The following MEF2C variants were observed in gnomAD, a reference collection of about 807,000 sequenced individuals.
MEF2C encodes the protein myocyte enhancer factor 2C.
Under a neutral mutation model 50.5 loss-of-function variants are expected in MEF2C, and 6 were observed. That is an observed-to-expected ratio of 0.12 (90% CI 0.07 to 0.23). The LOEUF (loss-of-function observed/expected upper bound fraction) is 0.23, where lower values mean the gene tolerates loss of function less well. Among genes scored for constraint, MEF2C ranks in the 10% least tolerant of loss-of-function variants. The probability of loss-of-function intolerance (pLI) is 1.00; values close to 1 mark genes in which losing one functional copy is unlikely to be tolerated. For synonymous variants in MEF2C, 183 were observed against 228.0 expected (o/e 0.80, Z 1.78); for missense variants, 276 against 605.0 (o/e 0.46, Z 5.70).
intron 2 of MEF2C, among the ~76,000 whole-genome samples, chr5:88,822,796 G>A (rs1001133391): frequency 7.2e-5 from 11 of 151,900 alleles, no homozygotes; most frequent in African/African-American, 2.7e-4. Context: ...CAGTGTAACC[G>A]AAAAGTAGGC....
intron 3 of MEF2C, chr5:88,782,159 G>A: frequency 1.8e-5 from 18 of 981,388 alleles, no homozygotes; most frequent in Non-Finnish European, 2.2e-5. Context: ...CTGTAAAGAA[G>A]CTTATATAGT....
intron 6 of MEF2C, chr5:88,739,103 C>A (rs1257295304): frequency 1.0e-6 from 1 of 985,172 alleles, no homozygotes; most frequent in Non-Finnish European, 1.2e-6. Flanking sequence ...TCAGAAACAC[C>A]CAATGTTACA....
chr5:88,785,998 A>T (rs1349973788), intron 3 of MEF2C, among the ~76,000 whole-genome samples: 1 of 152,184 alleles, frequency 6.6e-6, no homozygotes, highest in Non-Finnish European at 1.5e-5. Flanking sequence ...CTTCTATTCC[A>T]CGCCTATTCC....
intron 4 of MEF2C, chr5:88,752,588 A>G: frequency 1.0e-6 from 1 of 981,930 alleles, no homozygotes; most frequent in Non-Finnish European, 1.2e-6. Context: ...GCATTTTAAC[A>G]TACAAGATTC....
chr5:88,860,403 G>A (rs1411139914), intron 1 of MEF2C, among the ~76,000 whole-genome samples: 1 of 151,610 alleles, frequency 6.6e-6, no homozygotes, highest in African/African-American at 2.4e-5. Context: ...TGGTCATAAT[G>A]GTGGATTTGT....
chr5:88,848,807 T>C (rs1820231257), intron 1 of MEF2C, among the ~76,000 whole-genome samples: 1 of 152,210 alleles, frequency 6.6e-6, no homozygotes, highest in African/African-American at 2.4e-5. Flanking sequence ...AAGTAGTATG[T>C]GTTCTTGGAT....
At chr5:88,810,377 T>C (rs1185519000) in intron 2 of MEF2C, among the ~76,000 whole-genome samples, 1 of 152,088 alleles carries the variant, frequency 6.6e-6, no homozygotes, top group African/African-American at 2.4e-5. Context: ...AAAATATACT[T>C]CAAAAAATTC....
At chr5:88,866,274 A>C (rs1001131489) in intron 1 of MEF2C, among the ~76,000 whole-genome samples, 1 of 152,230 alleles carries the variant, frequency 6.6e-6, no homozygotes, top group East Asian at 1.9e-4. Flanking sequence ...AATCCAAACA[A>C]GCATTTCATT....
chr5:88,748,937 A>T (rs1159633913), intron 6 of MEF2C, 133 bp downstream of exon 6: 5 of 1,516,114 alleles, frequency 3.3e-6, no homozygotes, highest in Non-Finnish European at 3.5e-6. Context: ...TGCTTTAAAA[A>T]TTCTTGGTGT....
In MEF2C at chr5:88,726,991, T is replaced by C. The variant is rs138896420; in HGVS notation, c.1100+1502A>G. Among the ~76,000 whole-genome samples the C allele has an allele frequency of 2.0e-5, 3 of 152,108 alleles. 1 individual carries two copies. Among genetic ancestry groups the C allele is most frequent in the Admixed American group, 2.0e-4 (3 of 15,264 alleles). ...TAATGGATGAATTTTGTGAAAAAAATGGGAAATAAGCAGTTATGTTTATTT... is the reference window on the plus strand; with the variant it reads ...TAATGGATGAATTTTGTGAAAAAAACGGGAAATAAGCAGTTATGTTTATTT... On this transcript the variant is annotated intron_variant, in intron 10 of 10. Transcript: ENST00000504921.
At chr5:88,793,517 A>C (rs973696272) in intron 3 of MEF2C, among the ~76,000 whole-genome samples, 1 of 152,166 alleles carries the variant, frequency 6.6e-6, no homozygotes, top group African/African-American at 2.4e-5. Flanking sequence ...GAATTCAACA[A>C]ATTTTTGTTC....
rs1212371564 is a variant in MEF2C, at chr5:88,735,585, C to CA, written c.638-3685dup. Reference sequence around the variant, plus strand: ...TTTACATAAAAATAACAAATTTAAGCATATATGAGTTAACTTACATAAAGG... The same window carrying CA: ...TTTACATAAAAATAACAAATTTAAGCAATATATGAGTTAACTTACATAAAGG... On this transcript the variant is annotated intron_variant, in intron 6 of 10. Transcript: ENST00000504921. The CA allele has an allele frequency of 1.3e-5, 13 of 973,052 alleles. No homozygotes were observed. In the African/African-American group the frequency reaches 1.8e-4, roughly 13 times the overall value. The allele number at this position is 973,052 out of a possible 1,614,324, so 60.3% of individuals were successfully genotyped here.
intron 6 of MEF2C, chr5:88,741,440 T>G: frequency 1.0e-6 from 1 of 985,422 alleles, no homozygotes; most frequent in Non-Finnish European, 1.2e-6. Flanking sequence ...TCACATACTT[T>G]CCTTGGTTGT....
intron 1 of MEF2C, among the ~76,000 whole-genome samples, chr5:88,834,521 G>A (rs1814293316): frequency 6.6e-6 from 1 of 152,052 alleles, no homozygotes; most frequent in African/African-American, 2.4e-5. Flanking sequence ...GGGGAAAAAG[G>A]GCAACACACA....
chr5:88,861,730 G>A (rs1466776785), intron 1 of MEF2C, among the ~76,000 whole-genome samples: 1 of 151,936 alleles, frequency 6.6e-6, no homozygotes, highest in Non-Finnish European at 1.5e-5. Context: ...CTCTTTGGAG[G>A]GTTTTCAGTT....
At chr5:88,804,891 A>T (rs1799748250) in intron 2 of MEF2C, 90 bp from the exon 3 acceptor site, 4 of 1,055,078 alleles carry the variant, frequency 3.8e-6, no homozygotes, top group Non-Finnish European at 5.6e-6. Context: ...TTCACAAAAC[A>T]ATGGTGTGTA....
At chr5:88,891,457 G>GT (rs1834562343) in intron 1 of MEF2C, among the ~76,000 whole-genome samples, 1 of 146,698 alleles carries the variant, frequency 6.8e-6, no homozygotes, top group South Asian at 2.1e-4. Context: ...GAGTGCAGTG[G>GT]TGCGATCTTG....
intron 1 of MEF2C, among the ~76,000 whole-genome samples, chr5:88,896,653 A>G (rs1425647176): frequency 6.6e-6 from 1 of 152,232 alleles, no homozygotes; most frequent in Non-Finnish European, 1.5e-5. Flanking sequence ...ATGCAATTTT[A>G]TATTAAAAAT....
At chr5:88,791,957 T>C (rs1202128411) in intron 3 of MEF2C, among the ~76,000 whole-genome samples, 2 of 152,044 alleles carry the variant, frequency 1.3e-5, no homozygotes, top group African/African-American at 4.8e-5. Context: ...ATACCATGTA[T>C]TGAAAAGCAA....
Sources: gnomAD v4.1 joint callset for allele counts (sites outside exome capture counted in the v4.1 genomes callset) on GRCh38, gnomAD v4.1.1 for gene constraint, MANE v1.5 for transcripts, NCBI Gene and HGNC (gene_info 2026-07-23, HGNC 2026-07-21) for gene names.